The following BPTF variants were observed in gnomAD, a reference collection of about 807,000 sequenced individuals.
BPTF encodes the protein nucleosome-remodeling factor subunit BPTF.
In BPTF, 18 loss-of-function variants were observed where a neutral mutation model predicts 292.5. The observed-to-expected ratio is 0.06, with a 90% CI of 0.04 to 0.09. The LOEUF is 0.09. Among genes scored for constraint, BPTF ranks in the 10% least tolerant of loss-of-function variants. The probability of loss-of-function intolerance (pLI) is 1.00; values close to 1 mark genes in which losing one functional copy is unlikely to be tolerated. For synonymous variants in BPTF, 1,225 were observed against 1,251.9 expected (o/e 0.98, Z 0.45); for missense variants, 2,726 against 3,498.7 (o/e 0.78, Z 5.57).
At chr17:67,874,455 G>T (rs575486293) in intron 3 of BPTF, among the ~76,000 whole-genome samples, 1 of 152,296 alleles carries the variant, frequency 6.6e-6, no homozygotes, top group South Asian at 2.1e-4. Context: ...GATCACTGCA[G>T]TGTGCTGCCC....
At chr17:67,976,296 A>T (rs1241649006) in intron 27 of BPTF, among the ~76,000 whole-genome samples, 1 of 152,230 alleles carries the variant, frequency 6.6e-6, no homozygotes, top group African/African-American at 2.4e-5. Flanking sequence ...AACATGGGGA[A>T]ACCCCGTCTC....
chr17:67,869,397 G>T (rs1023925586), intron 3 of BPTF, among the ~76,000 whole-genome samples: 1 of 151,954 alleles, frequency 6.6e-6, no homozygotes, highest in Non-Finnish European at 1.5e-5. Flanking sequence ...GTGATTTGGG[G>T]GAATGTAAAA....
intron 4 of BPTF, among the ~76,000 whole-genome samples, chr17:67,891,265 C>T (rs562141908): frequency 1.3e-5 from 2 of 152,098 alleles, no homozygotes; most frequent in South Asian, 4.2e-4. Context: ...TTTAGTGTGT[C>T]CTTAAAAATT....
At chr17:67,929,644 A>G (rs2064191548) in intron 17 of BPTF, among the ~76,000 whole-genome samples, 157 bp downstream of exon 17, 2 of 152,206 alleles carry the variant, frequency 1.3e-5, no homozygotes, top group Admixed American at 1.3e-4. Flanking sequence ...TATATTTCTG[A>G]TAAGTGAAAA....
At position 67,947,780 on chromosome 17, in the gene BPTF, A is replaced by T. The variant is rs2065919690; in HGVS notation, c.7672A>T (p.Thr2558Ser). ...IEHLKQKKSM[T>S]PAEREENQRM... Reference sequence around the variant, plus strand: ...ACATTTAAAACAGAAAAAGAGCATGACTCCAGCTGAAAGAGAAGAGAATCA... The same window carrying T: ...ACATTTAAAACAGAAAAAGAGCATGTCTCCAGCTGAAAGAGAAGAGAATCA... The change falls in exon 22 of 28, where the codon ACT (threonine) becomes TCT (serine). Residue 2558 changes from threonine to serine, a missense_variant. Thr to Ser is a moderately conservative substitution (Grantham distance 58). Transcript: ENST00000306378. 1 of 1,553,204 alleles carries T rather than the reference A, an allele frequency of 6.4e-7. No homozygotes were observed. Among genetic ancestry groups the T allele is most frequent in the South Asian group, 1.2e-5 (1 of 84,156 alleles).
chr17:67,931,779 TGTTC>T lies in BPTF; in HGVS notation c.6151-131_6151-128del, dbSNP rs1171296723. On this transcript the variant is annotated intron_variant, in intron 17 of 27. Transcript: ENST00000306378. ...ATGTTTAATACAATTTAAAATGTAATGTTCAAGAGCCCCTGTCATTCCTGTAAAC... is the reference window on the plus strand; with the variant it reads ...ATGTTTAATACAATTTAAAATGTAATAAGAGCCCCTGTCATTCCTGTAAAC... The T allele has an allele frequency of 1.0e-5, 6 of 586,978 alleles. No homozygotes were observed. In the African/African-American group the frequency reaches 1.2e-4, roughly 11 times the overall value. 36.4% of individuals were successfully genotyped at this position (586,978 alleles called of 1,614,324 possible).
intron 18 of BPTF, among the ~76,000 whole-genome samples, chr17:67,937,668 T>C (rs976214513): frequency 1.9e-4 from 28 of 147,080 alleles, no homozygotes; most frequent in African/African-American, 6.8e-4. Context: ...GGGTAGCCAG[T>C]GGATCTCAGG....
At chr17:67,938,298 ATT>A (rs2065087717) in intron 18 of BPTF, among the ~76,000 whole-genome samples, 1 of 152,156 alleles carries the variant, frequency 6.6e-6, no homozygotes, top group Non-Finnish European at 1.5e-5. Flanking sequence ...CTTTTCATGT[ATT>A]GTTTCTCAAA....
chr17:67,880,006 A>G (rs1018461093), intron 4 of BPTF, among the ~76,000 whole-genome samples: 15 of 152,058 alleles, frequency 9.9e-5, no homozygotes, highest in Non-Finnish European at 1.3e-4. Context: ...TGGGCTATTC[A>G]TATTTTCTGT....
chr17:67,844,638 C>T (rs1310270805), intron 1 of BPTF, among the ~76,000 whole-genome samples: 1 of 151,500 alleles, frequency 6.6e-6, no homozygotes, highest in Non-Finnish European at 1.5e-5. Context: ...TGAGCTCAGG[C>T]AATCTGCCCA....
intron 4 of BPTF, among the ~76,000 whole-genome samples, chr17:67,885,958 A>G (rs977192862): frequency 6.6e-6 from 1 of 152,236 alleles, no homozygotes. Flanking sequence ...ACTTAAAAAA[A>G]TAAGGTGTTG....
chr17:67,969,984 A>G (rs2068583190), intron 26 of BPTF, among the ~76,000 whole-genome samples: 1 of 152,186 alleles, frequency 6.6e-6, no homozygotes, highest in Non-Finnish European at 1.5e-5. Flanking sequence ...CTGTAATCAT[A>G]GCACTTTGGG....
At chr17:67,871,266 A>G (rs140930153) in intron 3 of BPTF, among the ~76,000 whole-genome samples, 76 of 151,942 alleles carry the variant, frequency 5.0e-4, no homozygotes, top group Admixed American at 8.5e-4. Context: ...ACATGGCAAA[A>G]CCTCGTCTTT....
At chr17:67,945,304 C>T (rs564766778) in intron 20 of BPTF, 105 bp from the exon 21 acceptor site, 34 of 1,515,604 alleles carry the variant, frequency 2.2e-5, no homozygotes, top group East Asian at 2.1e-4. Flanking sequence ...TGAGCCACCA[C>T]GCCTGGCCAG....
chr17:67,914,805 C>T (rs1349864506), intron 11 of BPTF, among the ~76,000 whole-genome samples: 1 of 152,058 alleles, frequency 6.6e-6, no homozygotes, highest in Non-Finnish European at 1.5e-5. Context: ...TTAGTATGCA[C>T]TATGGTACAG....
At chr17:67,947,217 A>G (rs1373558837) in intron 21 of BPTF, among the ~76,000 whole-genome samples, 1 of 152,210 alleles carries the variant, frequency 6.6e-6, no homozygotes, top group African/African-American at 2.4e-5. Context: ...GGTCATATAT[A>G]TTATATTTAA....
chr17:67,934,661 C>G (rs1460814169), intron 18 of BPTF, among the ~76,000 whole-genome samples: 1 of 150,998 alleles, frequency 6.6e-6, no homozygotes, highest in Non-Finnish European at 1.5e-5. Flanking sequence ...ATCACAAGGT[C>G]AAGAGATCAA....
intron 1 of BPTF, among the ~76,000 whole-genome samples, chr17:67,839,547 A>G (rs554347962): frequency 6.6e-6 from 1 of 152,148 alleles, no homozygotes; most frequent in Non-Finnish European, 1.5e-5. Flanking sequence ...TTGACTTTTA[A>G]AAAGGTATTT....
At chr17:67,944,882 C>G (rs2065675489) in intron 20 of BPTF, among the ~76,000 whole-genome samples, 1 of 150,032 alleles carries the variant, frequency 6.7e-6, no homozygotes, top group Non-Finnish European at 1.5e-5. Flanking sequence ...ACTTTGGAAA[C>G]CAGCCCTCTA....
Sources: allele counts gnomAD v4.1 joint callset (sites outside exome capture counted in the v4.1 genomes callset), GRCh38; gene constraint gnomAD v4.1.1; transcripts MANE v1.5; gene names NCBI Gene and HGNC (gene_info 2026-07-23, HGNC 2026-07-21).